CAMK1D: variants seen among roughly 807,000 people sequenced by gnomAD.
CAMK1D encodes calcium/calmodulin dependent protein kinase ID.
A neutral mutation model predicts 47.7 loss-of-function variants in CAMK1D; 9 were observed. That is an observed-to-expected ratio of 0.19 (90% confidence interval 0.11 to 0.33). The LOEUF (loss-of-function observed/expected upper bound fraction) is 0.33, where lower values mean the gene tolerates loss of function less well. Among genes scored for constraint, CAMK1D ranks in the 10% least tolerant of loss-of-function variants. The probability of loss-of-function intolerance (pLI) is 1.00; values close to 1 mark genes in which losing one functional copy is unlikely to be tolerated. For missense variants in CAMK1D, 291 were observed against 488.7 expected (o/e 0.60, Z 3.81); for synonymous variants, 184 against 184.9 (o/e 0.99, Z 0.04).
intron 1 of CAMK1D, among the ~76,000 whole-genome samples, chr10:12,359,460 G>A (rs910583837): frequency 6.6e-6 from 1 of 151,820 alleles, no homozygotes; most frequent in Non-Finnish European, 1.5e-5. Context: ...GCCCAGCTCC[G>A]GTGCTGGAGT....
intron 8 of CAMK1D, among the ~76,000 whole-genome samples, chr10:12,816,598 T>C (rs988523437): frequency 1.3e-5 from 2 of 151,976 alleles, no homozygotes; most frequent in Non-Finnish European, 2.9e-5. Flanking sequence ...AGGCCAGGCA[T>C]GGTGGCTCAT....
chr10:12,526,787 G>A (rs1835635169), intron 1 of CAMK1D, among the ~76,000 whole-genome samples: 1 of 151,602 alleles, frequency 6.6e-6, no homozygotes, highest in Non-Finnish European at 1.5e-5. Flanking sequence ...GTGTGGTGGT[G>A]CACGCCTGTA....
chr10:12,553,702 A>C (rs752187458), intron 2 of CAMK1D, among the ~76,000 whole-genome samples: 111 of 152,312 alleles, frequency 7.3e-4, no homozygotes, highest in Non-Finnish European at 1.4e-3. Flanking sequence ...TCTCCCTGGC[A>C]GGGTGTTGTA....
At chr10:12,432,337 G>A (rs1832503519) in intron 1 of CAMK1D, among the ~76,000 whole-genome samples, 1 of 152,214 alleles carries the variant, frequency 6.6e-6, no homozygotes, top group African/African-American at 2.4e-5. Flanking sequence ...AGGTTTATTT[G>A]TCTGTTGTCT....
chr10:12,669,330 A>G (rs1840535399), intron 3 of CAMK1D, among the ~76,000 whole-genome samples: 1 of 152,212 alleles, frequency 6.6e-6, no homozygotes, highest in African/African-American at 2.4e-5. Flanking sequence ...GGTGGGATTA[A>G]CTGTTGGGGG....
rs567105290 is a variant in CAMK1D, at chr10:12,439,789, C to T, written c.92+89879C>T. On this transcript the variant is annotated intron_variant, in intron 1 of 10. Transcript: ENST00000619168. ...TTCACGCTGCTGATGAAGACATACC[C>T]GAGACTGGGTAATTTATAGAGAAAA... Among the ~76,000 whole-genome samples, 10 of 152,320 alleles carry T rather than the reference C, an allele frequency of 6.6e-5. No homozygotes were observed. The South Asian group carries it at 1.2e-3, about 19-fold the overall frequency.
intron 2 of CAMK1D, among the ~76,000 whole-genome samples, chr10:12,645,208 C>T (rs1235147113): frequency 3.3e-5 from 5 of 152,142 alleles, no homozygotes; most frequent in Non-Finnish European, 7.3e-5. Flanking sequence ...AATCATTTAT[C>T]CCCTACTATT....
At chr10:12,487,794 G>C (rs1009863838) in intron 1 of CAMK1D, among the ~76,000 whole-genome samples, 9 of 152,218 alleles carry the variant, frequency 5.9e-5, no homozygotes, top group African/African-American at 2.2e-4. Flanking sequence ...TAGACCCTGA[G>C]GAGTATTCAG....
chr10:12,655,480 C>A (rs2132522498), intron 2 of CAMK1D, among the ~76,000 whole-genome samples: 1 of 152,320 alleles, frequency 6.6e-6, no homozygotes, highest in Admixed American at 6.5e-5. Context: ...GAAAGAAATA[C>A]ACAGTCAAAT....
intron 3 of CAMK1D, among the ~76,000 whole-genome samples, chr10:12,668,389 A>G (rs896043350): frequency 5.3e-5 from 8 of 152,194 alleles, no homozygotes; most frequent in Non-Finnish European, 1.2e-4. Flanking sequence ...ATATGGATCT[A>G]CTTGTTTAAG....
At chr10:12,764,385 A>AAAAAAAAC (rs1554822767) in intron 4 of CAMK1D, among the ~76,000 whole-genome samples, 2 of 151,274 alleles carry the variant, frequency 1.3e-5, no homozygotes, top group East Asian at 1.9e-4. Context: ...TTGTCTCAAA[A>AAAAAAAAC]AAAAAAAAAA....
chr10:12,385,483 G>C (rs1205317414), intron 1 of CAMK1D, among the ~76,000 whole-genome samples: 1 of 152,182 alleles, frequency 6.6e-6, no homozygotes, highest in East Asian at 1.9e-4. Context: ...TTTGCTAAGT[G>C]AAAGAAGCCG....
At position 12,694,138 on chromosome 10, in the gene CAMK1D, AT is replaced by A. The variant is rs1833094451; in HGVS notation, c.299+27329del. On this transcript the variant is annotated intron_variant, in intron 3 of 10. Coordinates refer to ENST00000619168, the MANE Select transcript of CAMK1D (RefSeq NM_153498.4). ...ATATTATGCATAATATATATTATAT[AT>A]AATATAATATATAATATATATTATG... Among the ~76,000 whole-genome samples, 2 of 22,040 alleles carry A rather than the reference AT, an allele frequency of 9.1e-5. 1 individual carries two copies. The highest frequency in any genetic ancestry group is 1.6e-4 in the Non-Finnish European group (2 of 12,580). The allele number at this position is 22,040 out of a possible 152,430, so 14.5% of individuals were successfully genotyped here.
At chr10:12,467,774 G>A (rs1303421382) in intron 1 of CAMK1D, among the ~76,000 whole-genome samples, 8 of 152,146 alleles carry the variant, frequency 5.3e-5, no homozygotes, top group African/African-American at 9.7e-5. Flanking sequence ...CCCAGGCTGG[G>A]TTTGTGTAAT....
At chr10:12,374,600 C>T (rs2131862242) in intron 1 of CAMK1D, among the ~76,000 whole-genome samples, 1 of 152,310 alleles carries the variant, frequency 6.6e-6, no homozygotes, top group African/African-American at 2.4e-5. Context: ...TTTCATTCTT[C>T]AACTCATGCT....
chr10:12,818,402 G>A (rs1463345475), intron 8 of CAMK1D, among the ~76,000 whole-genome samples: 1 of 152,208 alleles, frequency 6.6e-6, no homozygotes, highest in African/African-American at 2.4e-5. Context: ...CGGGAGTGGT[G>A]GCTTATGCCT....
chr10:12,698,311 G>A (rs902283081), intron 3 of CAMK1D, among the ~76,000 whole-genome samples: 3 of 152,220 alleles, frequency 2.0e-5, no homozygotes, highest in African/African-American at 7.2e-5. Context: ...AGTGAATACC[G>A]AACCATTGCT....
chr10:12,388,046 C>A (rs1162653533), intron 1 of CAMK1D, among the ~76,000 whole-genome samples: 2 of 152,070 alleles, frequency 1.3e-5, no homozygotes, highest in Admixed American at 6.6e-5. Context: ...GCCAGCCAGG[C>A]ATCTTTGCTT....
intron 1 of CAMK1D, among the ~76,000 whole-genome samples, chr10:12,418,382 G>T (rs1394025901): frequency 6.6e-6 from 1 of 152,108 alleles, no homozygotes; most frequent in Non-Finnish European, 1.5e-5. Context: ...AGATGGGAGG[G>T]TCACTTGAGG....
Sources: allele counts gnomAD v4.1 joint callset (sites outside exome capture counted in the v4.1 genomes callset), GRCh38; gene constraint gnomAD v4.1.1; transcripts MANE v1.5; gene names NCBI Gene and HGNC (gene_info 2026-07-23, HGNC 2026-07-21).